SRI: variants seen among roughly 807,000 people sequenced by gnomAD.
SRI encodes the protein sorcin.
Under a neutral mutation model 33.3 loss-of-function variants are expected in SRI, and 30 were observed. The observed-to-expected ratio is 0.90, with a 90% CI of 0.67 to 1.22. The LOEUF (loss-of-function observed/expected upper bound fraction) is 1.22, where lower values mean the gene tolerates loss of function less well. SRI is among the 50% of genes most tolerant of loss of function. The pLI is 0.00. For missense variants in SRI, 243 were observed against 250.8 expected, an observed-to-expected ratio of 0.97 and a Z score of 0.21; for synonymous variants, 75 against 89.9, an observed-to-expected ratio of 0.83 and a Z score of 0.94.
At chr7:88,219,786 G>A (rs1047742483) in intron 1 of SRI, among the ~76,000 whole-genome samples, 190 bp downstream of exon 1, 1 of 152,164 alleles carries the variant, frequency 6.6e-6, no homozygotes, top group African/African-American at 2.4e-5. Flanking sequence ...GAGAAGGGAC[G>A]GGGAAACGTG....
rs1046698026 is a variant in SRI at position 88,217,032 on chromosome 7, TC to T, written c.205+89del. 6.9e-5 allele frequency: 81 copies of T among 1,178,958 alleles called. No individual in the cohort carries two copies. The African/African-American group carries it at 1.0e-3, about 15-fold the overall frequency. The allele number at this position is 1,178,958 out of a possible 1,614,324, so 73.0% of individuals were successfully genotyped here. On this transcript the variant is annotated intron_variant, in intron 3 of 7. Coordinates refer to ENST00000265729, the MANE Select transcript of SRI (RefSeq NM_003130.4). ...CTAAACTTTGCTAGATCCGACAAGC[TC>T]AGTTTTCTTGAAGGCTGTAATCACA...
chr7:88,221,733 AT>A (rs1439574405), upstream of SRI, among the ~76,000 whole-genome samples: 1 of 151,998 alleles, frequency 6.6e-6, no homozygotes, highest in Non-Finnish European at 1.5e-5. Context: ...ACATGTGAAC[AT>A]TGTGCAGGTT....
chr7:88,212,842 C>T (rs974891571), intron 3 of SRI, among the ~76,000 whole-genome samples: 1 of 152,190 alleles, frequency 6.6e-6, no homozygotes, highest in Non-Finnish European at 1.5e-5. Context: ...GGGCATGACC[C>T]AGCAATCTGG....
rs201732383 is a variant in SRI at position 88,218,834 on chromosome 7, T to C, written c.135+25A>G. ...CCACAAATGCAGACAATAACGGCTC[T>C]TTAATATTAAAGGGAAAAGCTAACC... On this transcript the variant is annotated intron_variant, in intron 2 of 7. Transcript: ENST00000265729. The C allele has an allele frequency of 2.5e-5, 40 of 1,611,212 alleles. No individual in the cohort carries two copies. The East Asian group carries it at 8.7e-4, about 35-fold the overall frequency.
intron 7 of SRI, chr7:88,207,832 AAT>A (rs1851469350): frequency 6.6e-6 from 1 of 152,382 alleles, no homozygotes; most frequent in African/African-American, 2.4e-5. Flanking sequence ...CTCTACTAAA[AAT>A]ACAAAAAAAC....
chr7:88,225,243 G>A (rs1851970668), intron 1 of SRI, among the ~76,000 whole-genome samples: 2 of 152,178 alleles, frequency 1.3e-5, no homozygotes, highest in South Asian at 4.2e-4. Flanking sequence ...GATGTTGGAG[G>A]AATTTATTAT....
Position 88,208,568 on chromosome 7 carries a change from G to A in SRI, c.512-3C>T, listed in dbSNP as rs756446341. ...AGTATCCCGTCTTCGAAAGCTGTCT[G>A]TAAAACAACACAGTAAAATTTATGG... On this transcript the variant is annotated splice_polypyrimidine_tract_variant and splice_region_variant and intron_variant, in intron 6 of 7. Transcript: ENST00000265729. 6.2e-7 allele frequency: 1 copy of A among 1,613,622 alleles called. No individual in the cohort carries two copies. Among genetic ancestry groups the A allele is most frequent in the Admixed American group, 1.7e-5 (1 of 60,008 alleles).
chr7:88,211,898 G>C (rs1269579757), intron 3 of SRI, among the ~76,000 whole-genome samples: 1 of 152,204 alleles, frequency 6.6e-6, no homozygotes, highest in Admixed American at 6.5e-5. Context: ...CCAAACCAGA[G>C]CACATGCAAT....
At chr7:88,222,248 C>A (rs551245635), upstream of SRI, among the ~76,000 whole-genome samples, 230 of 150,984 alleles carry the variant, frequency 1.5e-3, 2 homozygotes, top group Non-Finnish European at 2.8e-3. Flanking sequence ...TTCTAGATCC[C>A]TGAGGAATCG....
intron 5 of SRI, 65 bp downstream of exon 5, chr7:88,209,918 G>A (rs561737256): frequency 1.2e-6 from 2 of 1,607,200 alleles, no homozygotes; most frequent in Admixed American, 1.7e-5. Flanking sequence ...ACCCAGCCTG[G>A]TTTTAAAAAT....
intron 1 of SRI, among the ~76,000 whole-genome samples, chr7:88,225,170 A>T (rs1851969067): frequency 6.6e-6 from 1 of 152,196 alleles, no homozygotes. Flanking sequence ...ATTCTCACTG[A>T]CCTGTTCCTT....
intron 1 of SRI, 139 bp downstream of exon 1, chr7:88,219,837 G>A (rs1194797753): frequency 4.7e-6 from 5 of 1,055,994 alleles, no homozygotes; most frequent in Non-Finnish European, 6.7e-6. Flanking sequence ...GAGGCCGCGA[G>A]CGCAGGGAGA....
At chr7:88,225,600 C>G (rs1851977491) in intron 1 of SRI, among the ~76,000 whole-genome samples, 1 of 152,218 alleles carries the variant, frequency 6.6e-6, no homozygotes, top group East Asian at 1.9e-4. Context: ...GAGACTCTGA[C>G]TTGCTGAAGG....
intron 3 of SRI, among the ~76,000 whole-genome samples, chr7:88,211,767 A>G (rs1305529749): frequency 3.3e-5 from 5 of 152,168 alleles, no homozygotes; most frequent in East Asian, 1.9e-4. Context: ...TATGTGTTAA[A>G]TAAGAGTACT....
chr7:88,206,397 C>T lies in SRI; in HGVS notation c.*81G>A. ...GAGAAAGTCGTGATGTAAGTTTATACATATTACCGAAGGCAAAGAGGACAA... is the reference window on the plus strand; with the variant it reads ...GAGAAAGTCGTGATGTAAGTTTATATATATTACCGAAGGCAAAGAGGACAA... On this transcript the variant is annotated 3_prime_UTR_variant, in exon 8 of 8. Transcript: ENST00000265729. 1.3e-6 allele frequency: 2 copies of T among 1,495,062 alleles called. No individual in the cohort carries two copies. Among genetic ancestry groups the T allele is most frequent in the Non-Finnish European group, 1.9e-6 (2 of 1,071,700 alleles). 92.6% of individuals were successfully genotyped at this position (1,495,062 alleles called of 1,614,324 possible). A position where few individuals can be genotyped will look rare whatever the true frequency, so the allele number is the denominator to read the frequency against.
In SRI at chr7:88,205,866, G is replaced by C. The variant is rs1232258817; in HGVS notation, c.*612C>G. Reference sequence around the variant, plus strand: ...TTTCTATCAATTTTCTTTTTATATAGTTAAGCTTATAATGTACAAGATTTT... The same window carrying C: ...TTTCTATCAATTTTCTTTTTATATACTTAAGCTTATAATGTACAAGATTTT... On this transcript the variant is annotated 3_prime_UTR_variant, in exon 8 of 8. Coordinates refer to ENST00000265729, the MANE Select transcript of SRI (RefSeq NM_003130.4). 1 of 152,262 alleles carries C rather than the reference G, an allele frequency of 6.6e-6. No homozygotes were observed. Among genetic ancestry groups the C allele is most frequent in the African/African-American group, 2.4e-5 (1 of 41,270 alleles). 9.4% of individuals were successfully genotyped at this position (152,262 alleles called of 1,614,324 possible).
At chr7:88,208,085 A>T (rs1434062064) in intron 7 of SRI, 1 of 157,316 alleles carries the variant, frequency 6.4e-6, no homozygotes, top group African/African-American at 2.4e-5. Context: ...ATCTATTCTC[A>T]GTGACTGACA....
In SRI at chr7:88,219,852, G is replaced by A. The variant is rs1851840135; in HGVS notation, c.51+124C>T. 3.3e-5 allele frequency: 40 copies of A among 1,226,230 alleles called. No homozygotes were observed. The South Asian group carries it at 5.4e-4, about 17-fold the overall frequency. 76.0% of individuals were successfully genotyped at this position (1,226,230 alleles called of 1,614,324 possible). On this transcript the variant is annotated intron_variant, in intron 1 of 7. Transcript: ENST00000265729. ...GAGGCCGCGAGCGCAGGGAGAAGCC[G>A]AGGGCGGAAGGAGCCCGGGTAGCCG...
At chr7:88,215,149 A>G (rs1391345101) in intron 3 of SRI, among the ~76,000 whole-genome samples, 2 of 152,188 alleles carry the variant, frequency 1.3e-5, no homozygotes, top group Non-Finnish European at 2.9e-5. Context: ...TGGCCATATA[A>G]TATCTGCATT....
Sources: allele counts gnomAD v4.1 joint callset (sites outside exome capture counted in the v4.1 genomes callset), GRCh38; gene constraint gnomAD v4.1.1; transcripts MANE v1.5; gene names NCBI Gene and HGNC (gene_info 2026-07-23, HGNC 2026-07-21).